The following PPEF2 variants were observed in gnomAD, a reference collection of about 807,000 sequenced individuals.
The protein encoded by PPEF2 is serine/threonine-protein phosphatase with EF-hands 2.
In PPEF2, 84 loss-of-function variants were observed where a neutral mutation model predicts 84.7. The observed-to-expected ratio is 0.99, with a 90% CI of 0.83 to 1.19. The LOEUF (loss-of-function observed/expected upper bound fraction) is 1.19. PPEF2 is among the 50% of genes most tolerant of loss of function. PPEF2 has a pLI of 0.00. For synonymous variants in PPEF2, 346 were observed against 345.2 expected (o/e 1.00, Z -0.03); for missense variants, 924 against 937.5 (o/e 0.99, Z 0.19).
intron 13 of PPEF2, among the ~76,000 whole-genome samples, chr4:75,869,832 G>A (rs1323857767): frequency 6.8e-6 from 1 of 147,132 alleles, no homozygotes; most frequent in Non-Finnish European, 1.5e-5. Flanking sequence ...GGGTGACACA[G>A]CGAGACCCTG....
chr4:75,872,743 T>C (rs1724315643), intron 12 of PPEF2, among the ~76,000 whole-genome samples: 1 of 152,206 alleles, frequency 6.6e-6, no homozygotes, highest in Non-Finnish European at 1.5e-5. Context: ...ACAAATATTG[T>C]AGGATTTGGA....
chr4:75,888,038 C>A (rs775341010), intron 6 of PPEF2, among the ~76,000 whole-genome samples, 176 bp downstream of exon 6: 1 of 152,164 alleles, frequency 6.6e-6, no homozygotes, highest in Admixed American at 6.5e-5. Flanking sequence ...CTTCGCTGCA[C>A]CACCACCTCT....
intron 4 of PPEF2, among the ~76,000 whole-genome samples, chr4:75,891,103 C>T (rs908085313): frequency 6.6e-6 from 1 of 151,832 alleles, no homozygotes; most frequent in Non-Finnish European, 1.5e-5. Context: ...ATCACTTGAA[C>T]CCGGGAGGTA....
chr4:75,876,718 A>G, intron 10 of PPEF2, 45 bp from the exon 11 acceptor site: 3 of 1,501,910 alleles, frequency 2.0e-6, no homozygotes, highest in Non-Finnish European at 2.7e-6. Context: ...ATGAAACTGT[A>G]GGCCCAGACA....
intron 10 of PPEF2, among the ~76,000 whole-genome samples, chr4:75,878,755 C>T (rs1724491822): frequency 6.6e-6 from 1 of 152,194 alleles, no homozygotes; most frequent in Non-Finnish European, 1.5e-5. Context: ...GTCCACCAGT[C>T]CCACCTCTTC....
intron 2 of PPEF2, among the ~76,000 whole-genome samples, chr4:75,894,389 G>A (rs989087747): frequency 1.3e-5 from 2 of 152,098 alleles, no homozygotes; most frequent in African/African-American, 2.4e-5. Context: ...GCCTAATATC[G>A]ACTTCCAATA....
intron 1 of PPEF2, among the ~76,000 whole-genome samples, chr4:75,902,010 AAGTG>A (rs1458890854): frequency 2.6e-5 from 4 of 152,162 alleles, no homozygotes; most frequent in African/African-American, 9.7e-5. Flanking sequence ...TCTGTCCACT[AAGTG>A]AGCCCAAGAA....
rs765623663 is a variant in PPEF2 at position 75,873,198 on chromosome 4, A to G, written c.1435T>C (p.Tyr479His). The change falls in exon 12 of 17, where the codon TAC becomes CAC. Residue 479 changes from tyrosine (Y) to histidine (H), a missense_variant. Transcript: ENST00000286719. ...GAACGGATCAGGAATTGCATGTTGT[A>G]TTTTTGTAGCAACTGTTGTGTCACA... ...PDVTQQLLQK[Y>H]NMQFLIRSHE... The G allele has an allele frequency of 1.9e-6, 3 of 1,614,112 alleles. No individual in the cohort carries two copies. In the Admixed American group the frequency reaches 5.0e-5, roughly 27 times the overall value.
intron 2 of PPEF2, among the ~76,000 whole-genome samples, chr4:75,895,127 A>AT (rs34515110): frequency 0.04 from 5,146 of 129,222 alleles, 358 homozygotes; most frequent in African/African-American, 0.13. Context: ...CAGCTAATTA[A>AT]TTTTTTTTTT....
At chr4:75,881,921 CTGAT>C (rs1724583074) in intron 10 of PPEF2, 1 of 152,194 alleles carries the variant, frequency 6.6e-6, no homozygotes, top group South Asian at 2.1e-4. Context: ...CTGAAGTAGA[CTGAT>C]TGTTCCCTGT....
Position 75,860,694 on chromosome 4 carries a change from ACT to A in PPEF2, c.2233_2234del (p.Ser745TrpfsTer29). 6.2e-7 allele frequency: 1 copy of A among 1,614,224 alleles called. No individual in the cohort carries two copies. The highest frequency in any genetic ancestry group is 2.2e-5 in the East Asian group (1 of 44,882). ...AGTGTGCACCTGGACTGCTGCAGCC[ACT>A]GTCTTTAGCATTTGTAGCTTGTGGG... is the stretch of plus-strand genomic sequence containing the variant. ...ECPQATNAKD[S>X]GCSSPGAH On this transcript the variant is annotated frameshift_variant, in exon 17 of 17. Transcript: ENST00000286719. LOFTEE classifies it low-confidence loss of function (END_TRUNC).
At position 75,869,484 on chromosome 4, in the gene PPEF2, C is replaced by T. The variant is rs924136249; in HGVS notation, c.1650-2065G>A. On this transcript the variant is annotated intron_variant, in intron 13 of 16. Transcript: ENST00000286719. ...TGGCTATGCTGGCTCCAAGCTGGCT[C>T]TCTATTATTGTGAGAAGTGGATTGA... Among the ~76,000 whole-genome samples, 7 of 152,168 alleles carry T rather than the reference C, an allele frequency of 4.6e-5. No individual in the cohort carries two copies. The East Asian group carries it at 1.3e-3, about 29-fold the overall frequency.
intron 14 of PPEF2, chr4:75,866,619 T>C (rs749595256): frequency 7.1e-5 from 32 of 449,568 alleles, no homozygotes; most frequent in Admixed American, 1.9e-4. Flanking sequence ...ATTTGTTGTC[T>C]GTTTGTCTGT....
At chr4:75,876,695 T>TA in intron 10 of PPEF2, 22 bp from the exon 11 acceptor site, 2 of 1,514,238 alleles carry the variant, frequency 1.3e-6, no homozygotes, top group South Asian at 1.3e-5. Context: ...CAGAAAGAGA[T>TA]ACAGATGCTG....
intron 13 of PPEF2, among the ~76,000 whole-genome samples, chr4:75,867,820 C>T (rs1056515241): frequency 1.3e-5 from 2 of 152,162 alleles, no homozygotes; most frequent in African/African-American, 4.8e-5. Flanking sequence ...AAAGCACTCA[C>T]CAAATAGTAT....
intron 1 of PPEF2, among the ~76,000 whole-genome samples, chr4:75,901,460 G>A (rs934733093): frequency 2.0e-5 from 3 of 151,566 alleles, no homozygotes; most frequent in African/African-American, 7.3e-5. Flanking sequence ...GGTGGAAGTT[G>A]TAGTGAGCCA....
chr4:75,886,261 C>T (rs1041166713), intron 7 of PPEF2, among the ~76,000 whole-genome samples: 7 of 152,172 alleles, frequency 4.6e-5, no homozygotes, highest in African/African-American at 1.7e-4. Flanking sequence ...TAGCCAGTCT[C>T]CCAATGGCCT....
At chr4:75,867,503 T>C (rs566885978) in intron 13 of PPEF2, 84 bp from the exon 14 acceptor site, 10 of 1,002,138 alleles carry the variant, frequency 1.0e-5, no homozygotes. Flanking sequence ...CCACTCTCTC[T>C]TTCTTAACAT....
intron 1 of PPEF2, among the ~76,000 whole-genome samples, chr4:75,901,970 T>G (rs114400474): frequency 2.4e-3 from 372 of 152,222 alleles, no homozygotes; most frequent in African/African-American, 8.3e-3. Context: ...AGTGAGACTC[T>G]GTCTCTTAGG....
Sources: gnomAD v4.1 joint callset for allele counts (sites outside exome capture counted in the v4.1 genomes callset) on GRCh38, gnomAD v4.1.1 for gene constraint, MANE v1.5 for transcripts, NCBI Gene and HGNC (gene_info 2026-07-23, HGNC 2026-07-21) for gene names.